Variants in ZNF512 observed in about 807,000 individuals in gnomAD.
ZNF512 encodes zinc finger protein 512.
A neutral mutation model predicts 77.5 loss-of-function variants in ZNF512; 25 were observed. That is an observed-to-expected ratio of 0.32 (90% CI 0.23 to 0.45). The LOEUF (loss-of-function observed/expected upper bound fraction) is 0.45, where lower values mean the gene tolerates loss of function less well. ZNF512 is among the 20% of genes least tolerant of loss of function. The pLI is 1.00. For synonymous variants in ZNF512, 246 were observed against 239.9 expected (o/e 1.03, Z -0.24); for missense variants, 483 against 692.6 (o/e 0.70, Z 3.40).
rs749255183 is a variant in ZNF512, at chr2:27,598,081, G to T, written c.104G>T (p.Cys35Phe). Residue 35 changes from cysteine to phenylalanine, a missense_variant, in exon 3 of 14, where the codon TGC becomes TTC. Physicochemically the swap from Cys to Phe is radical, Grantham distance 205. Coordinates refer to ENST00000355467, the MANE Select transcript of ZNF512 (RefSeq NM_032434.4). ...IVGAKNSRTQ[C>F]SIKDNSFQYT... ...TGTTGTATTAGTAGCAGGACCCAGT[G>T]CTCCATAAAGGATAATAGTTTCCAG... The T allele has an allele frequency of 1.1e-5, 17 of 1,578,352 alleles. No individual in the cohort carries two copies. In the Admixed American group the frequency reaches 2.7e-4, roughly 25 times the overall value.
At chr2:27,615,428 C>T (rs1202340231) in intron 11 of ZNF512, among the ~76,000 whole-genome samples, 159 bp downstream of exon 11, 1 of 152,204 alleles carries the variant, frequency 6.6e-6, no homozygotes, top group Non-Finnish European at 1.5e-5. Context: ...TGTAAAGGCT[C>T]AGCAGGGCAG....
chr2:27,598,000 G>A (rs2148016467), intron 2 of ZNF512, 67 bp from the exon 3 acceptor site: 1 of 1,342,136 alleles, frequency 7.5e-7, no homozygotes, highest in Non-Finnish European at 1.0e-6. Flanking sequence ...TGGTTATAAT[G>A]TAAAAGAATG....
chr2:27,604,963 T>G lies in ZNF512; in HGVS notation c.936+1656T>G, dbSNP rs538820520. Among the ~76,000 whole-genome samples the G allele has an allele frequency of 1.2e-4, 19 of 152,346 alleles. 1 individual carries two copies. The highest frequency in any genetic ancestry group is 4.1e-4 in the African/African-American group (17 of 41,588). ...TCATACAGCATGTAGCCTTTCAGTCTGACTTCTTTCATTTACCATAATCCA... is the reference window on the plus strand; with the variant it reads ...TCATACAGCATGTAGCCTTTCAGTCGGACTTCTTTCATTTACCATAATCCA... On this transcript the variant is annotated intron_variant, in intron 9 of 13. Transcript: ENST00000355467.
chr2:27,612,447 G>C (rs1672707018), intron 10 of ZNF512, among the ~76,000 whole-genome samples: 1 of 151,966 alleles, frequency 6.6e-6, no homozygotes, highest in East Asian at 1.9e-4. Context: ...TTGGTGGATA[G>C]AGTTAGGATA....
intron 2 of ZNF512, among the ~76,000 whole-genome samples, chr2:27,589,526 A>G (rs1362418972): frequency 2.6e-5 from 4 of 151,996 alleles, no homozygotes; most frequent in Admixed American, 6.5e-5. Flanking sequence ...CAATTTTGTG[A>G]TCATTTCAAA....
chr2:27,596,934 CTTTATGTGTGGA>C (rs1284827794), intron 2 of ZNF512, among the ~76,000 whole-genome samples: 1 of 152,170 alleles, frequency 6.6e-6, no homozygotes, highest in Non-Finnish European at 1.5e-5. Flanking sequence ...AAATAAGCTG[CTTTATGTGTGGA>C]TTTGTTTTTA....
intron 9 of ZNF512, among the ~76,000 whole-genome samples, chr2:27,605,006 T>G (rs1672291503): frequency 6.6e-6 from 1 of 152,236 alleles, no homozygotes; most frequent in African/African-American, 2.4e-5. Context: ...TTCATCCATG[T>G]GTTGCATGTA....
chr2:27,599,401 T>A (rs180869695), intron 3 of ZNF512, among the ~76,000 whole-genome samples, 182 bp from the exon 4 acceptor site: 2 of 146,236 alleles, frequency 1.4e-5, no homozygotes, highest in Non-Finnish European at 3.0e-5. Context: ...AAAGGGAGAG[T>A]GGGTCAGTTA....
At chr2:27,616,204 T>C (rs1558477388) in intron 11 of ZNF512, 58 bp from the exon 12 acceptor site, 2 of 1,338,840 alleles carry the variant, frequency 1.5e-6, no homozygotes, top group Non-Finnish European at 2.1e-6. Context: ...AATGGCCAGA[T>C]TGTTCAGAGA....
chr2:27,600,447 A>C (rs1672069741), intron 5 of ZNF512, among the ~76,000 whole-genome samples: 1 of 152,240 alleles, frequency 6.6e-6, no homozygotes, highest in Non-Finnish European at 1.5e-5. Context: ...TTCTTGAAGC[A>C]ACTGGGCTTT....
chr2:27,600,901 A>C, intron 6 of ZNF512, 86 bp downstream of exon 6: 1 of 1,480,458 alleles, frequency 6.8e-7, no homozygotes, highest in Non-Finnish European at 9.1e-7. Flanking sequence ...TGCTGGTTAT[A>C]ATGGATGAAA....
At chr2:27,603,573 A>ATAGTGTGT (rs1672218570) in intron 9 of ZNF512, among the ~76,000 whole-genome samples, 1 of 133,176 alleles carries the variant, frequency 7.5e-6, no homozygotes, top group African/African-American at 3.1e-5. Flanking sequence ...ATTTTTATAT[A>ATAGTGTGT]GTGTGTGTGT....
In ZNF512 at chr2:27,621,651, G is replaced by C. The variant is rs1673127972; in HGVS notation, c.*190G>C. On this transcript the variant is annotated 3_prime_UTR_variant, in exon 14 of 14. Coordinates refer to ENST00000355467, the MANE Select transcript of ZNF512 (RefSeq NM_032434.4). ...TTGATTCCCCCCTCCCCTTTTAGTAGGTTTTCCTGCTATTCCTCGTCAAGT... is the reference window on the plus strand; with the variant it reads ...TTGATTCCCCCCTCCCCTTTTAGTACGTTTTCCTGCTATTCCTCGTCAAGT... The C allele has an allele frequency of 6.6e-6, 4 of 609,288 alleles. 1 individual carries two copies. The South Asian group carries it at 8.9e-5, about 14-fold the overall frequency. The allele number at this position is 609,288 out of a possible 1,614,324, so 37.7% of individuals were successfully genotyped here. A position where few individuals can be genotyped will look rare whatever the true frequency, so the allele number is the denominator to read the frequency against.
At chr2:27,587,522 C>T (rs1671387633) in intron 2 of ZNF512, among the ~76,000 whole-genome samples, 2 of 151,792 alleles carry the variant, frequency 1.3e-5, no homozygotes, top group African/African-American at 4.8e-5. Context: ...AGTGTTCTGC[C>T]CACCTTGGCC....
At chr2:27,605,664 T>C (rs1001870463) in intron 9 of ZNF512, among the ~76,000 whole-genome samples, 7 of 151,952 alleles carry the variant, frequency 4.6e-5, no homozygotes, top group African/African-American at 1.4e-4. Flanking sequence ...ATAGTAGAGA[T>C]GGGTGTTCGC....
intron 10 of ZNF512, among the ~76,000 whole-genome samples, chr2:27,610,048 T>C (rs1013029549): frequency 6.9e-6 from 1 of 144,570 alleles, no homozygotes; most frequent in Non-Finnish European, 1.5e-5. Flanking sequence ...CTCAAAAAAA[T>C]AATAATAAAA....
chr2:27,621,736 T>C lies in ZNF512; in HGVS notation c.*275T>C. 1 of 325,466 alleles carries C rather than the reference T, an allele frequency of 3.1e-6. No homozygotes were observed. Among genetic ancestry groups the C allele is most frequent in the Non-Finnish European group, 5.7e-6 (1 of 174,508 alleles). 20.2% of individuals were successfully genotyped at this position (325,466 alleles called of 1,614,324 possible). Reference sequence around the variant, plus strand: ...TCTCAAGGCCAACTATAGGCTCCTCTTGCCCTGTACAAAACTAAGAAACCT... The same window carrying C: ...TCTCAAGGCCAACTATAGGCTCCTCCTGCCCTGTACAAAACTAAGAAACCT... On this transcript the variant is annotated 3_prime_UTR_variant, in exon 14 of 14. Transcript: ENST00000355467.
intron 2 of ZNF512, among the ~76,000 whole-genome samples, chr2:27,594,997 C>T (rs927537029): frequency 3.3e-5 from 5 of 152,120 alleles, no homozygotes; most frequent in African/African-American, 4.8e-5. Context: ...GGCGTGGCGG[C>T]GCGTGCCTGC....
In ZNF512 at chr2:27,599,571, A is replaced by G. The variant is rs144084742; in HGVS notation, c.278-12A>G. On this transcript the variant is annotated splice_polypyrimidine_tract_variant and intron_variant, in intron 3 of 13. Coordinates refer to ENST00000355467, the MANE Select transcript of ZNF512 (RefSeq NM_032434.4). ...TGCTGAGTTTTTGTTTTGTTTTTGT[A>G]TGGTACTTCAGGGTCAGGTGGAGTA... is the stretch of plus-strand genomic sequence containing the variant. 10 of 1,609,758 alleles carry G rather than the reference A, an allele frequency of 6.2e-6. No homozygotes were observed. The South Asian group carries it at 6.6e-5, about 11-fold the overall frequency.
Sources: allele counts gnomAD v4.1 joint callset (sites outside exome capture counted in the v4.1 genomes callset), GRCh38; gene constraint gnomAD v4.1.1; transcripts MANE v1.5; gene names NCBI Gene and HGNC (gene_info 2026-07-23, HGNC 2026-07-21).